CSMD1: variants seen among roughly 807,000 people sequenced by gnomAD.
The protein encoded by CSMD1 is CUB and Sushi multiple domains 1.
Under a neutral mutation model 417.5 loss-of-function variants are expected in CSMD1, and 213 were observed. The observed-to-expected ratio is 0.51, with a 90% CI of 0.46 to 0.57. The LOEUF (loss-of-function observed/expected upper bound fraction) is 0.57. CSMD1 is among the 20% of genes least tolerant of loss of function. CSMD1 has a pLI of 0.00. For synonymous variants in CSMD1, 2,862 were observed against 1,736.8 expected (o/e 1.65, Z -16.11); for missense variants, 6,923 against 4,529.7 (o/e 1.53, Z -15.17).
intron 25 of CSMD1, among the ~76,000 whole-genome samples, chr8:3,307,120 T>C (rs1503279): frequency 0.87 from 132,872 of 152,210 alleles, 58,580 homozygotes; most frequent in Middle Eastern, 0.95. Flanking sequence ...AAAAGAACAG[T>C]AGAGTGTATT....
chr8:4,546,369 G>A (rs1797633308), intron 2 of CSMD1, among the ~76,000 whole-genome samples: 2 of 152,160 alleles, frequency 1.3e-5, no homozygotes, highest in Non-Finnish European at 1.5e-5. Flanking sequence ...GTAAAAGATT[G>A]CTTCTGAGTG....
intron 23 of CSMD1, among the ~76,000 whole-genome samples, chr8:3,320,063 A>C (rs1419728719): frequency 1.3e-5 from 2 of 152,168 alleles, no homozygotes; most frequent in Non-Finnish European, 2.9e-5. Context: ...CATGAACTCC[A>C]GCATAGAGGG....
rs538135650 is a variant in CSMD1, at chr8:3,902,511, G to C, written c.818+95392C>G. On this transcript the variant is annotated intron_variant, in intron 5 of 69. Transcript: ENST00000635120. ...AGTTTGGGATGAAACTTCCACCTGA[G>C]ATCATCAGCCATTAGATTCTCACAA... Among the ~76,000 whole-genome samples, 4 of 152,158 alleles carry C rather than the reference G, an allele frequency of 2.6e-5. No individual in the cohort carries two copies. In the South Asian group the frequency reaches 8.3e-4, roughly 32 times the overall value.
At chr8:3,331,235 C>G (rs1488147289) in intron 23 of CSMD1, among the ~76,000 whole-genome samples, 2 of 85,962 alleles carry the variant, frequency 2.3e-5, no homozygotes. Context: ...GAGACTCCGT[C>G]TCAAAAAAAA....
At chr8:3,925,234 G>T (rs905558240) in intron 5 of CSMD1, among the ~76,000 whole-genome samples, 17 of 152,304 alleles carry the variant, frequency 1.1e-4, no homozygotes, top group African/African-American at 4.1e-4. Flanking sequence ...TTGCTTTACA[G>T]CGACCTATAA....
intron 1 of CSMD1, among the ~76,000 whole-genome samples, chr8:4,848,489 G>A (rs144513944): frequency 2.0e-4 from 30 of 151,990 alleles, no homozygotes; most frequent in Admixed American, 6.5e-4. Context: ...CAAATCTATC[G>A]TGCTGCCAGT....
intron 10 of CSMD1, among the ~76,000 whole-genome samples, chr8:3,561,753 T>C (rs949633656): frequency 2.0e-5 from 3 of 152,028 alleles, no homozygotes; most frequent in African/African-American, 4.8e-5. Flanking sequence ...AAACTGGACA[T>C]ATACCCGCTT....
intron 3 of CSMD1, among the ~76,000 whole-genome samples, chr8:4,058,792 C>A (rs1250467257): frequency 6.7e-6 from 1 of 149,828 alleles, no homozygotes; most frequent in East Asian, 2.0e-4. Context: ...ATTCATAAAG[C>A]AAGTCCTGAG....
chr8:4,607,198 G>T (rs1396414542), intron 2 of CSMD1, among the ~76,000 whole-genome samples: 4 of 152,098 alleles, frequency 2.6e-5, no homozygotes, highest in African/African-American at 9.7e-5. Flanking sequence ...AGTGTCGGCA[G>T]GAGTGGGAGA....
chr8:4,355,500 G>C (rs993406373), intron 3 of CSMD1, among the ~76,000 whole-genome samples: 11 of 152,054 alleles, frequency 7.2e-5, no homozygotes, highest in African/African-American at 2.4e-4. Context: ...GTGAATGAAA[G>C]GGAACATTCA....
chr8:4,455,471 G>C (rs1371224354), intron 2 of CSMD1, among the ~76,000 whole-genome samples: 1 of 152,132 alleles, frequency 6.6e-6, no homozygotes, highest in Admixed American at 6.5e-5. Context: ...TTGCTTGACA[G>C]CACATCTAAG....
At chr8:4,244,396 G>C (rs185678742) in intron 3 of CSMD1, among the ~76,000 whole-genome samples, 6 of 152,274 alleles carry the variant, frequency 3.9e-5, no homozygotes, top group Admixed American at 2.6e-4. Context: ...TATGTTAATA[G>C]ATCTTCATAA....
At chr8:3,124,426 G>A (rs1266399023) in intron 41 of CSMD1, among the ~76,000 whole-genome samples, 1 of 152,188 alleles carries the variant, frequency 6.6e-6, no homozygotes, top group African/African-American at 2.4e-5. Flanking sequence ...GGTCAAAATT[G>A]TTTTGTTGAA....
chr8:4,435,149 T>G (rs1798082933), intron 2 of CSMD1, among the ~76,000 whole-genome samples: 1 of 152,194 alleles, frequency 6.6e-6, no homozygotes, highest in African/African-American at 2.4e-5. Context: ...AGTAATATAT[T>G]ATTTTTATAA....
intron 10 of CSMD1, among the ~76,000 whole-genome samples, chr8:3,504,949 A>G (rs1200386596): frequency 6.6e-6 from 1 of 152,188 alleles, no homozygotes; most frequent in Non-Finnish European, 1.5e-5. Flanking sequence ...ATGCTTAAGC[A>G]CAACAACAAA....
chr8:4,437,892 C>T (rs1798237962), intron 2 of CSMD1, among the ~76,000 whole-genome samples: 1 of 151,916 alleles, frequency 6.6e-6, no homozygotes, highest in African/African-American at 2.4e-5. Flanking sequence ...AGTGGTCTCA[C>T]CTGAGAAGCC....
chr8:3,439,157 G>GA (rs1384498414), intron 12 of CSMD1, among the ~76,000 whole-genome samples: 8 of 38,252 alleles, frequency 2.1e-4, no homozygotes, highest in East Asian at 9.2e-4. Flanking sequence ...AAAAAACCAA[G>GA]AAAAAAAAAA....
At chr8:3,884,364 T>G (rs769166162) in intron 5 of CSMD1, among the ~76,000 whole-genome samples, 13 of 152,198 alleles carry the variant, frequency 8.5e-5, no homozygotes, top group Non-Finnish European at 1.8e-4. Flanking sequence ...CCTAGAGAAC[T>G]GTTAGTGACA....
chr8:3,272,070 T>A (rs76569463), intron 26 of CSMD1, among the ~76,000 whole-genome samples: 1 of 144,972 alleles, frequency 6.9e-6, no homozygotes, highest in African/African-American at 2.6e-5. Context: ...TTAGGTCTAA[T>A]GTTTAAGTCT....
Sources: gnomAD v4.1 joint callset for allele counts (sites outside exome capture counted in the v4.1 genomes callset) on GRCh38, gnomAD v4.1.1 for gene constraint, MANE v1.5 for transcripts, NCBI Gene and HGNC (gene_info 2026-07-23, HGNC 2026-07-21) for gene names.